Variants in PDHA1 observed in about 807,000 individuals in gnomAD.
PDHA1 encodes pyruvate dehydrogenase E1 subunit alpha 1, also known as pyruvate dehydrogenase E1 component subunit alpha, somatic form, mitochondrial.
A neutral mutation model predicts 33.0 loss-of-function variants in PDHA1; 1 was observed. The ratio of observed to expected loss-of-function variants is 0.03; its 90% CI spans 0.01 to 0.14. PDHA1 has a LOEUF of 0.14. PDHA1 is among the 10% of genes least tolerant of loss of function. The probability of loss-of-function intolerance (pLI) is 1.00; values close to 1 mark genes in which losing one functional copy is unlikely to be tolerated. For missense variants in PDHA1, 168 were observed against 325.1 expected, an observed-to-expected ratio of 0.52 and a Z score of 3.72; for synonymous variants, 123 against 119.2, an observed-to-expected ratio of 1.03 and a Z score of -0.21.
intron 1 of PDHA1, 91 bp downstream of exon 1, chrX:19,344,185 G>GCTCT: frequency 2.5e-6 from 2 of 790,313 alleles, no homozygotes; most frequent in Non-Finnish European, 3.7e-6. Context: ...CACCCAGAGC[G>GCTCT]GGGTGGAAGG....
In PDHA1 at chrX:19,349,922, CTTAT is replaced by C. The variant is rs1401033946; in HGVS notation, c.118-13_118-10del. ...GTAGTATGTGGAGGATAATAACTAC[CTTAT>C]TCCATTTCAGAAATGTGACCTTCAC... On this transcript the variant is annotated splice_polypyrimidine_tract_variant and intron_variant, in intron 2 of 10. Transcript: ENST00000422285. 2 of 1,191,168 alleles carry C rather than the reference CTTAT, an allele frequency of 1.7e-6. No individual in the cohort carries two copies. Among genetic ancestry groups the C allele is most frequent in the Non-Finnish European group, 2.3e-6 (2 of 877,654 alleles).
chrX:19,355,867 TGAGATGGAAGCAGA>T (rs1363514152), intron 8 of PDHA1, 110 bp downstream of exon 8: 9 of 595,688 alleles, frequency 1.5e-5, no homozygotes, highest in Non-Finnish European at 2.6e-5. Flanking sequence ...TTGAGGTGCA[TGAGATGGAAGCAGA>T]GTGAAGGGAG....
At position 19,344,347 on chromosome X, in the gene PDHA1, C is replaced by T. The variant is rs763512996; in HGVS notation, c.57+253C>T. 4.4e-5 allele frequency among the ~76,000 whole-genome samples: 5 copies of T among 113,553 alleles called. No individual in the cohort carries two copies. The East Asian group carries it at 1.1e-3, about 25-fold the overall frequency. Reference sequence around the variant, plus strand: ...CCTCCCGCCCCCGGGCCCAGCTGTGCGCCAGGCGAAGTCGGTGTGCTCAAG... The same window carrying T: ...CCTCCCGCCCCCGGGCCCAGCTGTGTGCCAGGCGAAGTCGGTGTGCTCAAG... On this transcript the variant is annotated intron_variant, in intron 1 of 10. Transcript: ENST00000422285.
At chrX:19,359,139 AAATAGTTCCAT>A in intron 10 of PDHA1, 115 bp downstream of exon 10, 1 of 521,426 alleles carries the variant, frequency 1.9e-6, no homozygotes, top group Non-Finnish European at 3.5e-6. Flanking sequence ...CCTGGGACAT[AAATAGTTCCAT>A]AGTTCCAAAG....
chrX:19,358,540 T>C (rs1334980816), intron 9 of PDHA1, among the ~76,000 whole-genome samples: 1 of 111,509 alleles, frequency 9.0e-6, no homozygotes, highest in African/African-American at 3.3e-5. Flanking sequence ...ACCCATGTAG[T>C]ATACAGGAGC....
At chrX:19,348,899 C>T (rs760501558) in intron 1 of PDHA1, among the ~76,000 whole-genome samples, 1 of 112,144 alleles carries the variant, frequency 8.9e-6, no homozygotes, top group Non-Finnish European at 1.9e-5. Context: ...GAGCCGAGAT[C>T]GCACCACTGC....
At chrX:19,345,831 C>A (rs372723253) in intron 1 of PDHA1, 8 of 265,667 alleles carry the variant, frequency 3.0e-5, no homozygotes, top group African/African-American at 9.0e-5. Context: ...TATCTTTCCA[C>A]TTGGTGGTGT....
At chrX:19,359,421 C>T (rs945535560) in intron 10 of PDHA1, 68 bp from the exon 11 acceptor site, 2 of 924,430 alleles carry the variant, frequency 2.2e-6, no homozygotes, top group African/African-American at 2.0e-5. Context: ...AGGTCCTCAG[C>T]AGAACTCTAG....
At chrX:19,355,800 G>T (rs750354458) in intron 8 of PDHA1, 43 bp downstream of exon 8, 3 of 992,079 alleles carry the variant, frequency 3.0e-6, no homozygotes, top group Middle Eastern at 2.8e-4. Context: ...TTTATCTCTG[G>T]AAGTTCAAAG....
intron 1 of PDHA1, 82 bp downstream of exon 1, chrX:19,344,176 A>C: frequency 1.1e-6 from 1 of 901,333 alleles, no homozygotes; most frequent in South Asian, 2.1e-5. Flanking sequence ...AGGCCGGGCC[A>C]CCCAGAGCGG....
Position 19,360,350 on chromosome X carries a change from G to A in PDHA1, c.*697G>A. On this transcript the variant is annotated 3_prime_UTR_variant, in exon 11 of 11. Transcript: ENST00000422285. Reference sequence around the variant, plus strand: ...TGTTTGTTTCACCATTCCAGCAAGTGCTGAAGGGTGTACTTTTTTTGAGAC... The same window carrying A: ...TGTTTGTTTCACCATTCCAGCAAGTACTGAAGGGTGTACTTTTTTTGAGAC... 1 of 158,107 alleles carries A rather than the reference G, an allele frequency of 6.3e-6. No individual in the cohort carries two copies. Among genetic ancestry groups the A allele is most frequent in the Non-Finnish European group, 1.2e-5 (1 of 83,583 alleles). The allele number at this position is 158,107 out of a possible 1,213,427, so 13.0% of individuals were successfully genotyped here. A position where few individuals can be genotyped will look rare whatever the true frequency, so the allele number is the denominator to read the frequency against.
rs1126565 is a variant in PDHA1, at chrX:19,355,721, A to G, written c.795A>G (p.Ala265=). The change falls in exon 8 of 11, where the codon GCA becomes GCG. Residue 265 remains alanine, a synonymous_variant. Transcript: ENST00000422285. The stretch of plus-strand genomic sequence containing the variant: ...TGGATATCCTGTGCGTCCGAGAGGC[A>G]ACAAGGTTTGCTGCTGCCTATTGTA... ...DGMDILCVRE[A]TRFAAAYCRS... 0.086 allele frequency: 103,223 copies of G among 1,207,089 alleles called. 16,847 individuals are homozygous for G. The highest frequency in any genetic ancestry group is 0.85 in the African/African-American group (48,505 of 56,999).
intron 4 of PDHA1, among the ~76,000 whole-genome samples, chrX:19,351,901 T>C (rs7060600): frequency 0.21 from 21,717 of 102,497 alleles, 5,000 homozygotes; most frequent in African/African-American, 0.66. Context: ...CGGGTTCAAG[T>C]GATTCTCATG....
intron 1 of PDHA1, chrX:19,345,773 G>A: frequency 3.3e-6 from 1 of 299,485 alleles, no homozygotes; most frequent in Non-Finnish European, 6.5e-6. Context: ...CTTACAGTAG[G>A]AAGAAAATTG....
rs1485026608 is a variant in PDHA1, at chrX:19,357,937, A to AT, written c.899+223dup. ...ATAGTGTGTGTGAGCACAAGCAGCA[A>AT]TTTTTAAAGAAAGAGTGTTATATAC... On this transcript the variant is annotated intron_variant, in intron 9 of 10. Coordinates refer to ENST00000422285, the MANE Select transcript of PDHA1 (RefSeq NM_000284.4). 1.1e-4 allele frequency among the ~76,000 whole-genome samples: 12 copies of AT among 112,297 alleles called. No individual in the cohort carries two copies. In the Admixed American group the frequency reaches 1.1e-3, roughly 11 times the overall value.
At chrX:19,347,059 T>G (rs2063139361) in intron 1 of PDHA1, among the ~76,000 whole-genome samples, 1 of 111,187 alleles carries the variant, frequency 9.0e-6, no homozygotes, top group African/African-American at 3.3e-5. Flanking sequence ...CCTGACTAAT[T>G]TTTTAATATT....
rs1021366858 is a variant in PDHA1 at position 19,360,015 on chromosome X, C to T, written c.*362C>T. 5 of 263,309 alleles carry T rather than the reference C, an allele frequency of 1.9e-5. No individual in the cohort carries two copies. Among genetic ancestry groups the T allele is most frequent in the African/African-American group, 3.1e-5 (1 of 32,548 alleles). 21.7% of individuals were successfully genotyped at this position (263,309 alleles called of 1,213,427 possible). A position where few individuals can be genotyped will look rare whatever the true frequency, so the allele number is the denominator to read the frequency against. On this transcript the variant is annotated 3_prime_UTR_variant, in exon 11 of 11. Coordinates refer to ENST00000422285, the MANE Select transcript of PDHA1 (RefSeq NM_000284.4). Reference sequence around the variant, plus strand: ...ATTCTACCAACCATAGCACCCACCCCGAGCAGCGCTGGTGCTGCAGCCTGT... The same window carrying T: ...ATTCTACCAACCATAGCACCCACCCTGAGCAGCGCTGGTGCTGCAGCCTGT...
chrX:19,359,493 T>A lies in PDHA1; in HGVS notation c.1013T>A (p.Ile338Asn). 1 of 1,208,730 alleles carries A rather than the reference T, an allele frequency of 8.3e-7. No homozygotes were observed. The highest frequency in any genetic ancestry group is 1.1e-6 in the Non-Finnish European group (1 of 892,860). ...NLASVEELKE[I>N]DVEVRKEIED... ...ACACTGTTACCTAATTTTTAGGAAA[T>A]TGATGTGGAAGTGAGGAAGGAGATT... Residue 338 changes from isoleucine to asparagine, a missense_variant, in exon 11 of 11, where the codon ATT becomes AAT. Ile to Asn is a moderately radical substitution (Grantham distance 149, BLOSUM62 -3). Coordinates refer to ENST00000422285, the MANE Select transcript of PDHA1 (RefSeq NM_000284.4).
rs760296050 is a variant in PDHA1, at chrX:19,361,310, TCTTATA to T, written c.*1659_*1664del. 8.8e-7 allele frequency: 1 copy of T among 1,133,896 alleles called. No homozygotes were observed. The highest frequency in any genetic ancestry group is 1.2e-6 in the Non-Finnish European group (1 of 831,395). The allele number at this position is 1,133,896 out of a possible 1,213,427, so 93.4% of individuals were successfully genotyped here. A position where few individuals can be genotyped will look rare whatever the true frequency, so the allele number is the denominator to read the frequency against. On this transcript the variant is annotated 3_prime_UTR_variant, in exon 11 of 11. Coordinates refer to ENST00000422285, the MANE Select transcript of PDHA1 (RefSeq NM_000284.4). ...TATTCACACATAAAAAGTTGTATTC[TCTTATA>T]CAAACTGTTTTGAGGCTCTTACCGT...
Sources: allele counts gnomAD v4.1 joint callset (sites outside exome capture counted in the v4.1 genomes callset), GRCh38; gene constraint gnomAD v4.1.1; transcripts MANE v1.5; gene names NCBI Gene and HGNC (gene_info 2026-07-23, HGNC 2026-07-21).